The following RNF214 variants were observed in gnomAD, a reference collection of about 807,000 sequenced individuals.
RNF214 encodes ring finger protein 214.
RNF214 carries 25 observed loss-of-function variants against 75.9 expected under a neutral mutation model. The observed-to-expected ratio is 0.33, with a 90% CI of 0.24 to 0.46. The LOEUF (loss-of-function observed/expected upper bound fraction) is 0.46. Ranked by LOEUF, RNF214 falls within the 20% of genes least tolerant of loss-of-function variation. The pLI, the probability that RNF214 is intolerant of heterozygous loss-of-function variation, is 1.00. For synonymous variants in RNF214, 314 were observed against 308.8 expected, an observed-to-expected ratio of 1.02 and a Z score of -0.18; for missense variants, 725 against 857.5, an observed-to-expected ratio of 0.85 and a Z score of 1.93.
At chr11:117,247,760 G>A (rs557459073) in intron 6 of RNF214, among the ~76,000 whole-genome samples, 20 of 151,780 alleles carry the variant, frequency 1.3e-4, no homozygotes, top group Middle Eastern at 3.4e-3. Context: ...CTGAGGCAGG[G>A]GAATCGCTTG....
intron 4 of RNF214, among the ~76,000 whole-genome samples, chr11:117,240,769 C>T (rs1228218451): frequency 1.3e-5 from 2 of 152,056 alleles, no homozygotes; most frequent in African/African-American, 4.8e-5. Context: ...AGGCCGGGCG[C>T]GGTGACTCAC....
intron 6 of RNF214, among the ~76,000 whole-genome samples, chr11:117,247,314 A>AC (rs1204969402): frequency 1.3e-5 from 2 of 151,656 alleles, no homozygotes; most frequent in Admixed American, 1.3e-4. Context: ...ACCTAGCAAG[A>AC]CCCCCTCTCT....
In RNF214 at chr11:117,280,179, A is replaced by G. The variant is rs375131127; in HGVS notation, c.1065A>G (p.Ser355=). 1.7e-5 allele frequency: 28 copies of G among 1,612,816 alleles called. No homozygotes were observed. In the African/African-American group the frequency reaches 3.6e-4, roughly 21 times the overall value. Residue 355 remains serine, a synonymous_variant, in exon 8 of 15, where the codon TCA becomes TCG. Transcript: ENST00000300650. ...TERAWKAEIL[S]LESRKELLVL... The stretch of plus-strand genomic sequence containing the variant: ...GTGTGTGGCTTCCTTAGATCTTATC[A>G]CTAGAGAGCCGGAAAGAGTTACTGG...
chr11:117,258,210 A>C (rs542390368), intron 6 of RNF214, among the ~76,000 whole-genome samples: 3 of 152,024 alleles, frequency 2.0e-5, no homozygotes, highest in Non-Finnish European at 2.9e-5. Context: ...CAGGGACTAC[A>C]GGTGCATGCC....
rs547912906 is a variant in RNF214, at chr11:117,279,226, G to A, written c.960-682G>A. Among the ~76,000 whole-genome samples, 26 of 152,076 alleles carry A rather than the reference G, an allele frequency of 1.7e-4. No homozygotes were observed. The South Asian group carries it at 1.9e-3, about 11-fold the overall frequency. ...ATAATGGTTTTGAATCCTCTTGAAC[G>A]TAGAAGAATGTTCTGCCTTCAATGG... On this transcript the variant is annotated intron_variant, in intron 6 of 14. Transcript: ENST00000300650.
intron 5 of RNF214, among the ~76,000 whole-genome samples, chr11:117,246,225 A>G (rs1415088017): frequency 6.6e-6 from 1 of 152,118 alleles, no homozygotes; most frequent in African/African-American, 2.4e-5. Flanking sequence ...TGGGTTCCCA[A>G]AGTACAAGGA....
chr11:117,277,276 G>C (rs1416734839), intron 6 of RNF214, among the ~76,000 whole-genome samples: 1 of 152,174 alleles, frequency 6.6e-6, no homozygotes, highest in Admixed American at 6.5e-5. Context: ...CTGGGGGGTG[G>C]AGGTTGCAGT....
At chr11:117,233,724 C>T (rs995710841) in intron 1 of RNF214, among the ~76,000 whole-genome samples, 3 of 152,176 alleles carry the variant, frequency 2.0e-5, no homozygotes, top group Admixed American at 1.3e-4. Flanking sequence ...AGGCCTTTCC[C>T]ATCTGTGGGG....
intron 6 of RNF214, among the ~76,000 whole-genome samples, chr11:117,254,918 G>T (rs886682975): frequency 6.6e-6 from 1 of 152,052 alleles, no homozygotes. Flanking sequence ...GAGCCACTGC[G>T]CCTAGCCCAC....
At chr11:117,270,807 A>C (rs12287057) in intron 6 of RNF214, among the ~76,000 whole-genome samples, 1 of 152,104 alleles carries the variant, frequency 6.6e-6, no homozygotes, top group Non-Finnish European at 1.5e-5. Flanking sequence ...GCTGGTCTCA[A>C]CTCAAATGCC....
intron 6 of RNF214, among the ~76,000 whole-genome samples, chr11:117,273,305 A>G (rs1307502438): frequency 1.3e-5 from 2 of 152,098 alleles, no homozygotes; most frequent in Non-Finnish European, 2.9e-5. Context: ...GTTAAGTTGC[A>G]TTGTGGGATC....
intron 2 of RNF214, among the ~76,000 whole-genome samples, chr11:117,235,780 C>T (rs1264395234): frequency 1.3e-5 from 2 of 152,048 alleles, no homozygotes; most frequent in African/African-American, 4.8e-5. Context: ...GATAATTGTA[C>T]GTATTCATGG....
chr11:117,282,687 G>A lies in RNF214; in HGVS notation c.1846-59G>A, dbSNP rs895247829. The A allele has an allele frequency of 3.2e-6, 5 of 1,557,718 alleles. No individual in the cohort carries two copies. In the African/African-American group the frequency reaches 5.4e-5, roughly 17 times the overall value. ...CTGGACTGGGAAATAAGTGATTTTTGTGATATGCTCTGTTACTCAGACTCT... is the reference window on the plus strand; with the variant it reads ...CTGGACTGGGAAATAAGTGATTTTTATGATATGCTCTGTTACTCAGACTCT... On this transcript the variant is annotated intron_variant, in intron 12 of 14. Transcript: ENST00000300650.
chr11:117,247,591 G>A (rs1385414235), intron 6 of RNF214, among the ~76,000 whole-genome samples: 1 of 136,330 alleles, frequency 7.3e-6, no homozygotes, highest in East Asian at 2.5e-4. Context: ...AGTGGCTCAC[G>A]CCTGTAATCC....
intron 6 of RNF214, among the ~76,000 whole-genome samples, chr11:117,274,115 T>A (rs560289941): frequency 6.6e-6 from 1 of 152,124 alleles, no homozygotes; most frequent in Non-Finnish European, 1.5e-5. Context: ...TCGTTTATTT[T>A]CGTTTCTCCC....
chr11:117,247,872 C>CA (rs893651794), intron 6 of RNF214, among the ~76,000 whole-genome samples: 3 of 141,700 alleles, frequency 2.1e-5, no homozygotes, highest in African/African-American at 7.8e-5. Flanking sequence ...AAAAAAAAAA[C>CA]AAAACAAAAA....
In RNF214 at chr11:117,285,685, G is replaced by A. The variant is rs1247403356; in HGVS notation, c.*534G>A. 1 of 152,636 alleles carries A rather than the reference G, an allele frequency of 6.6e-6. No homozygotes were observed. Among genetic ancestry groups the A allele is most frequent in the African/African-American group, 2.4e-5 (1 of 41,438 alleles). The allele number at this position is 152,636 out of a possible 1,614,324, so 9.5% of individuals were successfully genotyped here. ...TGAGACTCTGATTGAGGAAAAAAAA[G>A]TAACCCTAGTAGTTTGACTTCTTAT... On this transcript the variant is annotated 3_prime_UTR_variant, in exon 15 of 15. Coordinates refer to ENST00000300650, the MANE Select transcript of RNF214 (RefSeq NM_207343.4).
At chr11:117,265,090 T>C (rs7111678) in intron 6 of RNF214, among the ~76,000 whole-genome samples, 108,451 of 151,494 alleles carry the variant, frequency 0.72, 40,318 homozygotes, top group East Asian at 0.95. Flanking sequence ...AAAAATTGGT[T>C]CTCTTAATCT....
chr11:117,234,715 C>T (rs2032852659), intron 2 of RNF214, among the ~76,000 whole-genome samples: 1 of 152,224 alleles, frequency 6.6e-6, no homozygotes, highest in Admixed American at 6.5e-5. Flanking sequence ...AGTATGTGTA[C>T]ATGGATATCT....
Sources: allele counts gnomAD v4.1 joint callset (sites outside exome capture counted in the v4.1 genomes callset), GRCh38; gene constraint gnomAD v4.1.1; transcripts MANE v1.5; gene names NCBI Gene and HGNC (gene_info 2026-07-23, HGNC 2026-07-21).